Variants in PALD1 observed in about 807,000 individuals in gnomAD.
PALD1 encodes paladin.
A neutral mutation model predicts 96.0 loss-of-function variants in PALD1; 57 were observed. The ratio of observed to expected loss-of-function variants is 0.59; its 90% CI spans 0.48 to 0.74. The LOEUF (loss-of-function observed/expected upper bound fraction) is 0.74, where lower values mean the gene tolerates loss of function less well. PALD1 is among the 30% of genes least tolerant of loss of function. The probability of loss-of-function intolerance (pLI) is 0.00; values close to 1 mark genes in which losing one functional copy is unlikely to be tolerated. For missense variants in PALD1, 1,063 were observed against 1,143.7 expected (o/e 0.93, Z 1.02); for synonymous variants, 464 against 473.6 (o/e 0.98, Z 0.26).
intron 1 of PALD1, among the ~76,000 whole-genome samples, chr10:70,497,044 A>G (rs1027601767): frequency 2.6e-5 from 4 of 152,196 alleles, no homozygotes; most frequent in Non-Finnish European, 5.9e-5. Flanking sequence ...CGTGCCCACG[A>G]AGCAGCAGTC....
At chr10:70,515,490 C>A (rs1021092919) in intron 1 of PALD1, among the ~76,000 whole-genome samples, 5 of 152,216 alleles carry the variant, frequency 3.3e-5, no homozygotes, top group Non-Finnish European at 2.9e-5. Context: ...GACTGCTGGC[C>A]ATTCACAGAT....
intron 1 of PALD1, among the ~76,000 whole-genome samples, chr10:70,516,419 C>G (rs1471461347): frequency 6.6e-6 from 1 of 152,210 alleles, no homozygotes; most frequent in Non-Finnish European, 1.5e-5. Flanking sequence ...CGCTCCCAGC[C>G]TTGTGTGGCA....
At chr10:70,516,288 C>T (rs544837928) in intron 1 of PALD1, among the ~76,000 whole-genome samples, 63 of 152,120 alleles carry the variant, frequency 4.1e-4, no homozygotes, top group African/African-American at 1.5e-3. Context: ...GCAACCACCA[C>T]GCCTGGCTAA....
chr10:70,468,193 T>C, the PALD1 span, among the ~76,000 whole-genome samples: 6 of 152,074 alleles, frequency 3.9e-5, no homozygotes, highest in Admixed American at 6.6e-5. Context: ...TGGGCTTCCC[T>C]CTGTCGGAGT....
In PALD1 at chr10:70,493,550, A is replaced by C. The variant is rs538731013; in HGVS notation, c.-30+14491A>C. On this transcript the variant is annotated intron_variant, in intron 1 of 19. Transcript: ENST00000263563. ...GGATGCTGCTTCCTTCTAAGATTGC[A>C]GCTGAGGGTGGCGTTGGCCCCCTTG... Among the ~76,000 whole-genome samples, 18 of 152,272 alleles carry C rather than the reference A, an allele frequency of 1.2e-4. No homozygotes were observed. The South Asian group carries it at 3.7e-3, about 32-fold the overall frequency.
intron 17 of PALD1, among the ~76,000 whole-genome samples, chr10:70,542,565 T>C (rs1160495720): frequency 6.6e-6 from 1 of 152,272 alleles, no homozygotes; most frequent in African/African-American, 2.4e-5. Context: ...TCACTGAGCA[T>C]AATGTTCTCA....
chr10:70,525,013 T>G (rs1846824706), intron 1 of PALD1, among the ~76,000 whole-genome samples: 1 of 152,118 alleles, frequency 6.6e-6, no homozygotes, highest in African/African-American at 2.4e-5. Context: ...TTATTTTTTA[T>G]TTTTTTGAGA....
the PALD1 span, among the ~76,000 whole-genome samples, chr10:70,462,168 GTC>G: frequency 6.6e-6 from 1 of 152,214 alleles, no homozygotes; most frequent in Non-Finnish European, 1.5e-5. Flanking sequence ...GATCTCACCT[GTC>G]TCTTTTTCCT....
chr10:70,562,401 C>T (rs1254935229), intron 18 of PALD1, among the ~76,000 whole-genome samples: 1 of 152,244 alleles, frequency 6.6e-6, no homozygotes, highest in Non-Finnish European at 1.5e-5. Flanking sequence ...GGACCACAGG[C>T]CCTGCTCAGG....
chr10:70,477,538 C>T (rs1027562337), upstream of PALD1, among the ~76,000 whole-genome samples: 2 of 152,180 alleles, frequency 1.3e-5, no homozygotes, highest in African/African-American at 4.8e-5. Context: ...ACAAGTCTTC[C>T]CTGGGCCTGT....
intron 18 of PALD1, among the ~76,000 whole-genome samples, chr10:70,551,795 A>G (rs1847484844): frequency 6.6e-6 from 1 of 152,158 alleles, no homozygotes; most frequent in African/African-American, 2.4e-5. Flanking sequence ...TGGATCAGAG[A>G]GGAGGGCTCA....
chr10:70,525,249 C>T (rs187545122), intron 1 of PALD1, among the ~76,000 whole-genome samples: 2 of 151,698 alleles, frequency 1.3e-5, no homozygotes, highest in East Asian at 3.9e-4. Flanking sequence ...TGGTCTCAAG[C>T]GATCTGCCTG....
intron 19 of PALD1, among the ~76,000 whole-genome samples, chr10:70,565,145 C>G (rs1200250117): frequency 1.3e-5 from 2 of 152,206 alleles, no homozygotes; most frequent in Non-Finnish European, 2.9e-5. Flanking sequence ...GATTGTCGCT[C>G]TCCCATTTTA....
Position 70,566,737 on chromosome 10 carries a change from G to C in PALD1, c.*4G>C. On this transcript the variant is annotated 3_prime_UTR_variant, in exon 20 of 20. Transcript: ENST00000263563. ...TGCCCCCGAGGACTTGCTGTAGGGG[G>C]CCTTACTCCCTGTCCCCCCACCCAC... is the stretch of plus-strand genomic sequence containing the variant. 1 of 1,578,170 alleles carries C rather than the reference G, an allele frequency of 6.3e-7. No homozygotes were observed. Among genetic ancestry groups the C allele is most frequent in the Non-Finnish European group, 8.6e-7 (1 of 1,162,732 alleles).
rs1434842858 is a variant in PALD1 at position 70,533,964 on chromosome 10, C to T, written c.913C>T (p.Pro305Ser). 6.2e-7 allele frequency: 1 copy of T among 1,612,730 alleles called. No homozygotes were observed. The highest frequency in any genetic ancestry group is 1.7e-5 in the Admixed American group (1 of 59,892). ...GCAGCTCCGTGATGCCCACGGGCCT[C>T]CCCCAGCCCTCGTCTTCAGCTGCCA... ...LLQLRDAHGP[P>S]PALVFSCQMG... The change falls in exon 8 of 20, where the codon CCC becomes TCC. Residue 305 changes from proline to serine, a missense_variant. Physicochemically the swap from Pro to Ser is moderately conservative, Grantham distance 74. Transcript: ENST00000263563.
At chr10:70,556,872 G>A (rs1847623912) in intron 18 of PALD1, among the ~76,000 whole-genome samples, 1 of 152,114 alleles carries the variant, frequency 6.6e-6, no homozygotes, top group Non-Finnish European at 1.5e-5. Flanking sequence ...TCCCGATTGT[G>A]GTTGTTACCA....
upstream of PALD1, among the ~76,000 whole-genome samples, chr10:70,475,720 T>G (rs951833184): frequency 1.3e-5 from 2 of 152,128 alleles, no homozygotes; most frequent in African/African-American, 4.8e-5. Context: ...GAATCTGGGG[T>G]TCCCACAGCT....
intron 17 of PALD1, among the ~76,000 whole-genome samples, chr10:70,546,466 T>C (rs2132411687): frequency 6.6e-6 from 1 of 152,332 alleles, no homozygotes; most frequent in Non-Finnish European, 1.5e-5. Flanking sequence ...GTGGCTCTCC[T>C]GTGAGAACTG....
At position 70,539,173 on chromosome 10, in the gene PALD1, G is replaced by A; in HGVS notation, c.1651G>A (p.Ala551Thr). Residue 551 changes from alanine to threonine, a missense_variant, in exon 14 of 20, where the codon GCC (alanine) becomes ACC (threonine). Transcript: ENST00000263563. The surrounding 1 kb of genome is among the most constrained non-coding windows in gnomAD (Gnocchi z 4.5). ...TGTCTGGGTGAGCCTTCGGGAGGAG[G>A]CCGTGTTGGAGTGTGACGGGCACAC... The part of the protein sequence containing the change: ...KVVWVSLREE[A>T]VLECDGHTYS... 4 of 1,613,306 alleles carry A rather than the reference G, an allele frequency of 2.5e-6. No homozygotes were observed. The highest frequency in any genetic ancestry group is 3.4e-6 in the Non-Finnish European group (4 of 1,179,696).
Sources: allele counts gnomAD v4.1 joint callset (sites outside exome capture counted in the v4.1 genomes callset), GRCh38; gene constraint gnomAD v4.1.1; non-coding constraint Gnocchi (gnomAD v3.1); transcripts MANE v1.5; gene names NCBI Gene and HGNC (gene_info 2026-07-23, HGNC 2026-07-21).